The following CGNL1 variants were observed in gnomAD, a reference collection of about 807,000 sequenced individuals.
CGNL1 encodes cingulin like 1, also known as cingulin-like protein 1.
CGNL1 carries 132 observed loss-of-function variants against 141.2 expected under a neutral mutation model. The observed-to-expected ratio is 0.93, with a 90% confidence interval of 0.81 to 1.08. CGNL1 has a LOEUF of 1.08. Among genes scored for constraint, CGNL1 ranks in the 50% least tolerant of loss-of-function variants. The pLI is 0.00. For synonymous variants in CGNL1, 690 were observed against 622.1 expected, an observed-to-expected ratio of 1.11 and a Z score of -1.63; for missense variants, 1,870 against 1,588.6, an observed-to-expected ratio of 1.18 and a Z score of -3.01.
chr15:57,470,683 G>T (rs927410524), intron 8 of CGNL1, among the ~76,000 whole-genome samples: 1 of 152,146 alleles, frequency 6.6e-6, no homozygotes, highest in Non-Finnish European at 1.5e-5. Flanking sequence ...GTGCCAGCGC[G>T]GTGCTAGTCA....
chr15:57,483,984 T>C (rs551355547), intron 8 of CGNL1, among the ~76,000 whole-genome samples: 1 of 152,332 alleles, frequency 6.6e-6, no homozygotes, highest in East Asian at 1.9e-4. Context: ...AATTGCTGAC[T>C]TTTATTTGCT....
intron 1 of CGNL1, among the ~76,000 whole-genome samples, chr15:57,430,098 A>C (rs1288861777): frequency 6.6e-6 from 1 of 152,266 alleles, no homozygotes; most frequent in Non-Finnish European, 1.5e-5. Context: ...GGCGTGAGCC[A>C]CTGCCCGGCT....
chr15:57,549,641 C>T lies in CGNL1; in HGVS notation c.*2151C>T, dbSNP rs770766348. On this transcript the variant is annotated 3_prime_UTR_variant, in exon 19 of 19. Transcript: ENST00000281282. The stretch of plus-strand genomic sequence containing the variant: ...TATTGGGCATCGGTGATGTGTCAGG[C>T]ACAGTCCTTGGCACACAGAATACAG... 9 of 152,168 alleles carry T rather than the reference C, an allele frequency of 5.9e-5. No homozygotes were observed. The highest frequency in any genetic ancestry group is 1.2e-4 in the Non-Finnish European group (8 of 68,046). 9.4% of individuals were successfully genotyped at this position (152,168 alleles called of 1,614,324 possible).
chr15:57,400,124 G>C (rs2062643684), intron 1 of CGNL1, among the ~76,000 whole-genome samples: 1 of 151,852 alleles, frequency 6.6e-6, no homozygotes, highest in Non-Finnish European at 1.5e-5. Context: ...CTCTCGAGTA[G>C]TTGGGAGTAG....
chr15:57,437,936 A>T (rs1166235634), intron 1 of CGNL1, 49 bp from the exon 2 acceptor site: 2 of 1,451,308 alleles, frequency 1.4e-6, no homozygotes, highest in Non-Finnish European at 1.9e-6. Context: ...ATTTAAACAG[A>T]TGTAATTCTA....
At chr15:57,497,871 A>G (rs1209414019) in intron 8 of CGNL1, among the ~76,000 whole-genome samples, 3 of 152,244 alleles carry the variant, frequency 2.0e-5, no homozygotes, top group East Asian at 1.9e-4. Flanking sequence ...TCTTTCTCAC[A>G]TTAGTGGGCA....
In CGNL1 at chr15:57,518,932, G is replaced by A. The variant is rs374184506; in HGVS notation, c.2715+435G>A. On this transcript the variant is annotated intron_variant, in intron 10 of 18. Transcript: ENST00000281282. Reference sequence around the variant, plus strand: ...GAGAAGGCCGGCAGGACTGGCCTCCGAGGCGGTGTGGAGTCTGCTTTCTGG... The same window carrying A: ...GAGAAGGCCGGCAGGACTGGCCTCCAAGGCGGTGTGGAGTCTGCTTTCTGG... Among the ~76,000 whole-genome samples, 7 of 152,226 alleles carry A rather than the reference G, an allele frequency of 4.6e-5. No individual in the cohort carries two copies. The East Asian group carries it at 5.8e-4, about 13-fold the overall frequency.
rs375525885 is a variant in CGNL1 at position 57,451,635 on chromosome 15, T to A, written c.1905+34T>A. On this transcript the variant is annotated intron_variant, in intron 5 of 18. Coordinates refer to ENST00000281282, the MANE Select transcript of CGNL1 (RefSeq NM_032866.5). ...TTTTTCCTTTATGTTATTTTTTCCA[T>A]TTCTGTCTTGGTTGATAAAGAATAT... 304 of 1,480,412 alleles carry A rather than the reference T, an allele frequency of 2.1e-4. 1 individual carries two copies. The highest frequency in any genetic ancestry group is 1.2e-4 in the Non-Finnish European group (132 of 1,068,548). The allele number at this position is 1,480,412 out of a possible 1,614,324, so 91.7% of individuals were successfully genotyped here.
intron 8 of CGNL1, among the ~76,000 whole-genome samples, chr15:57,505,139 C>T (rs1351406741): frequency 6.6e-6 from 1 of 152,082 alleles, no homozygotes; most frequent in Non-Finnish European, 1.5e-5. Flanking sequence ...CAAAAAGTCA[C>T]CACACCTCCT....
intron 10 of CGNL1, among the ~76,000 whole-genome samples, chr15:57,521,227 A>G (rs2031234988): frequency 3.3e-5 from 5 of 152,182 alleles, no homozygotes; most frequent in Admixed American, 1.3e-4. Context: ...CTATTGGAAC[A>G]TATGTCTTGA....
chr15:57,385,110 C>T (rs1420766008), intron 1 of CGNL1, among the ~76,000 whole-genome samples: 8 of 152,160 alleles, frequency 5.3e-5, no homozygotes, highest in East Asian at 1.9e-4. Flanking sequence ...ATGCATTGTT[C>T]GGGGCTGCTC....
intron 8 of CGNL1, among the ~76,000 whole-genome samples, chr15:57,465,948 C>G (rs73419981): frequency 0.026 from 3,913 of 152,236 alleles, 156 homozygotes; most frequent in African/African-American, 0.089. Context: ...TTTTGTAAAC[C>G]CATCAGCCAT....
chr15:57,487,505 G>C (rs1419713465), intron 8 of CGNL1, among the ~76,000 whole-genome samples: 1 of 152,132 alleles, frequency 6.6e-6, no homozygotes, highest in Admixed American at 6.6e-5. Context: ...GAATTCTTAA[G>C]GGTTGGCATT....
chr15:57,497,382 G>T (rs2063955757), intron 8 of CGNL1, among the ~76,000 whole-genome samples: 1 of 151,856 alleles, frequency 6.6e-6, no homozygotes, highest in South Asian at 2.1e-4. Flanking sequence ...GGAGCAGGGT[G>T]GGGCGGGTGG....
chr15:57,437,954 G>A (rs746480640), intron 1 of CGNL1, 31 bp from the exon 2 acceptor site: 5 of 1,550,154 alleles, frequency 3.2e-6, no homozygotes, highest in East Asian at 4.5e-5. Context: ...CTAACCTAAT[G>A]TCCTCTTTTT....
chr15:57,501,917 G>A (rs2064030687), intron 8 of CGNL1, among the ~76,000 whole-genome samples: 1 of 152,206 alleles, frequency 6.6e-6, no homozygotes, highest in Admixed American at 6.5e-5. Flanking sequence ...GTGTCTAGAG[G>A]TGGTGGGGAC....
intron 8 of CGNL1, among the ~76,000 whole-genome samples, chr15:57,468,222 TCTTTTC>T (rs2063533862): frequency 1.8e-4 from 25 of 141,234 alleles, no homozygotes; most frequent in African/African-American, 6.0e-4. Context: ...CTTTTTCTTT[TCTTTTC>T]TTTTTCTTTT....
chr15:57,397,743 T>A (rs1233796090), intron 1 of CGNL1, among the ~76,000 whole-genome samples: 1 of 152,044 alleles, frequency 6.6e-6, no homozygotes, highest in Admixed American at 6.6e-5. Flanking sequence ...ATTTTATTAT[T>A]GTAGAATATG....
At chr15:57,419,556 T>C (rs1309659230) in intron 1 of CGNL1, among the ~76,000 whole-genome samples, 1 of 152,094 alleles carries the variant, frequency 6.6e-6, no homozygotes, top group Non-Finnish European at 1.5e-5. Flanking sequence ...TTGAAGGGTA[T>C]TGGTTGGGTA....
Sources: gnomAD v4.1 joint callset for allele counts (sites outside exome capture counted in the v4.1 genomes callset) on GRCh38, gnomAD v4.1.1 for gene constraint, MANE v1.5 for transcripts, NCBI Gene and HGNC (gene_info 2026-07-23, HGNC 2026-07-21) for gene names.